TMEM163: variants seen among roughly 807,000 people sequenced by gnomAD.
TMEM163 encodes the protein transmembrane protein 163.
A neutral mutation model predicts 29.3 loss-of-function variants in TMEM163; 17 were observed. The observed-to-expected ratio is 0.58, with a 90% CI of 0.40 to 0.87. The LOEUF is 0.87. TMEM163 is among the 40% of genes least tolerant of loss of function. The pLI is 0.00. For synonymous variants in TMEM163, 157 were observed against 160.6 expected (o/e 0.98, Z 0.17); for missense variants, 303 against 381.5 (o/e 0.79, Z 1.71).
chr2:134,694,705 C>G (rs1401365566), intron 2 of TMEM163, among the ~76,000 whole-genome samples: 3 of 152,162 alleles, frequency 2.0e-5, no homozygotes, highest in African/African-American at 7.2e-5. Flanking sequence ...GAAGAATAAC[C>G]TGGGATTAGA....
chr2:134,647,562 A>G (rs886663109), intron 2 of TMEM163, among the ~76,000 whole-genome samples: 1 of 152,184 alleles, frequency 6.6e-6, no homozygotes, highest in Non-Finnish European at 1.5e-5. Flanking sequence ...GAGGTTATAG[A>G]CTAGGTCAAA....
At chr2:134,461,811 G>A (rs1314606393) in intron 6 of TMEM163, among the ~76,000 whole-genome samples, 2 of 152,220 alleles carry the variant, frequency 1.3e-5, no homozygotes, top group Non-Finnish European at 2.9e-5. Flanking sequence ...CCAGTTGACA[G>A]GGGAAGCCGG....
intron 1 of TMEM163, among the ~76,000 whole-genome samples, chr2:134,715,625 T>C (rs1286259898): frequency 6.6e-6 from 1 of 152,188 alleles, no homozygotes; most frequent in Non-Finnish European, 1.5e-5. Flanking sequence ...TGTAGTATGA[T>C]GATGTATAAA....
At chr2:134,480,430 C>A (rs1378762210) in intron 5 of TMEM163, among the ~76,000 whole-genome samples, 1 of 152,072 alleles carries the variant, frequency 6.6e-6, no homozygotes, top group Non-Finnish European at 1.5e-5. Flanking sequence ...TTTAATAGCA[C>A]TTTTCACATT....
At position 134,458,407 on chromosome 2, in the gene TMEM163, C is replaced by T. The variant is rs78312908; in HGVS notation, c.668-234G>A. On this transcript the variant is annotated intron_variant, in intron 6 of 7. Coordinates refer to ENST00000281924, the MANE Select transcript of TMEM163 (RefSeq NM_030923.5). ...ATCATTCTGTACCTGCTTTATTTCTCTTCTGGGAACTGACGCCATATGTGG... is the reference window on the plus strand; with the variant it reads ...ATCATTCTGTACCTGCTTTATTTCTTTTCTGGGAACTGACGCCATATGTGG... 265 of 542,880 alleles carry T rather than the reference C, an allele frequency of 4.9e-4. 3 individuals are homozygous for T. The highest frequency in any genetic ancestry group is 4.6e-3 in the African/African-American group (242 of 52,934). The allele number at this position is 542,880 out of a possible 1,614,324, so 33.6% of individuals were successfully genotyped here.
At chr2:134,628,915 T>C (rs967576307) in intron 2 of TMEM163, among the ~76,000 whole-genome samples, 14 of 152,232 alleles carry the variant, frequency 9.2e-5, no homozygotes, top group Non-Finnish European at 4.4e-5. Flanking sequence ...ATTGATATCA[T>C]GGCACAGGGT....
chr2:134,470,736 A>G (rs1686780884), intron 5 of TMEM163, among the ~76,000 whole-genome samples: 2 of 152,306 alleles, frequency 1.3e-5, no homozygotes, highest in East Asian at 1.9e-4. Context: ...CCAGCTTTCA[A>G]TGTCCTGAAA....
chr2:134,675,017 G>A (rs1684085441), intron 2 of TMEM163, among the ~76,000 whole-genome samples: 2 of 152,320 alleles, frequency 1.3e-5, no homozygotes, highest in South Asian at 2.1e-4. Context: ...CCATGGCAAA[G>A]CTCATTTCCG....
At chr2:134,630,003 C>T (rs944411306) in intron 2 of TMEM163, among the ~76,000 whole-genome samples, 1 of 152,098 alleles carries the variant, frequency 6.6e-6, no homozygotes, top group African/African-American at 2.4e-5. Context: ...TATCAGTATC[C>T]ACAGGCCCTC....
intron 4 of TMEM163, among the ~76,000 whole-genome samples, chr2:134,539,806 G>A (rs1480209685): frequency 6.6e-6 from 1 of 152,198 alleles, no homozygotes; most frequent in Admixed American, 6.5e-5. Flanking sequence ...AAAGACAGCT[G>A]TGGGGAAAAC....
At chr2:134,601,307 C>G (rs1319758020) in intron 2 of TMEM163, among the ~76,000 whole-genome samples, 1 of 152,180 alleles carries the variant, frequency 6.6e-6, no homozygotes, top group African/African-American at 2.4e-5. Context: ...CCACGGTCAC[C>G]TAAACCTACT....
chr2:134,545,929 C>T (rs1361980348), intron 4 of TMEM163, among the ~76,000 whole-genome samples: 2 of 152,182 alleles, frequency 1.3e-5, no homozygotes, highest in Non-Finnish European at 2.9e-5. Flanking sequence ...TCCTTGGCTA[C>T]TTTATTCTCT....
At chr2:134,515,955 A>T (rs1035285136) in intron 4 of TMEM163, among the ~76,000 whole-genome samples, 1 of 152,182 alleles carries the variant, frequency 6.6e-6, no homozygotes, top group African/African-American at 2.4e-5. Flanking sequence ...GCTGGTCTCT[A>T]TCAAGTCTCA....
intron 2 of TMEM163, among the ~76,000 whole-genome samples, chr2:134,705,888 G>A (rs1307569764): frequency 3.3e-5 from 5 of 152,222 alleles, no homozygotes; most frequent in Admixed American, 6.5e-5. Context: ...AAGAAGGGAC[G>A]AGGGACCCTG....
chr2:134,467,919 C>G (rs1686705491), intron 5 of TMEM163: 1 of 152,154 alleles, frequency 6.6e-6, no homozygotes, highest in South Asian at 2.1e-4. Context: ...AAGTAATCAC[C>G]TCACGGAAGT....
intron 2 of TMEM163, among the ~76,000 whole-genome samples, chr2:134,639,890 A>C (rs116681141): frequency 6.6e-6 from 1 of 152,344 alleles, no homozygotes; most frequent in African/African-American, 2.4e-5. Context: ...AATAGCATTA[A>C]ATTCAGCAAG....
chr2:134,527,817 T>C (rs551567987), intron 4 of TMEM163, among the ~76,000 whole-genome samples: 2 of 152,280 alleles, frequency 1.3e-5, no homozygotes, highest in African/African-American at 4.8e-5. Context: ...CGAAAATAAT[T>C]AGCCAAAGAC....
chr2:134,668,625 C>CAA (rs1173331892), intron 2 of TMEM163, among the ~76,000 whole-genome samples: 2 of 114,306 alleles, frequency 1.7e-5, no homozygotes, highest in Admixed American at 9.2e-5. Context: ...AACTCCGTCT[C>CAA]AAAAAAAAAA....
At chr2:134,546,205 G>T (rs961561749) in intron 4 of TMEM163, among the ~76,000 whole-genome samples, 1 of 152,186 alleles carries the variant, frequency 6.6e-6, no homozygotes, top group Non-Finnish European at 1.5e-5. Flanking sequence ...CCACTTCTGG[G>T]CATTTATCCT....
Sources: allele counts gnomAD v4.1 joint callset (sites outside exome capture counted in the v4.1 genomes callset), GRCh38; gene constraint gnomAD v4.1.1; transcripts MANE v1.5; gene names NCBI Gene and HGNC (gene_info 2026-07-23, HGNC 2026-07-21).